CTNND2: variants seen among roughly 807,000 people sequenced by gnomAD.
CTNND2 encodes the protein catenin delta 2.
Under a neutral mutation model 144.4 loss-of-function variants are expected in CTNND2, and 22 were observed. The observed-to-expected ratio is 0.15, with a 90% CI of 0.11 to 0.22. The LOEUF is 0.22. Among genes scored for constraint, CTNND2 ranks in the 10% least tolerant of loss-of-function variants. The pLI is 1.00. For missense variants in CTNND2, 1,353 were observed against 1,618.8 expected (o/e 0.84, Z 2.82); for synonymous variants, 751 against 695.6 (o/e 1.08, Z -1.25).
At chr5:11,609,254 T>G (rs1671166563) in intron 2 of CTNND2, among the ~76,000 whole-genome samples, 1 of 145,222 alleles carries the variant, frequency 6.9e-6, no homozygotes, top group Middle Eastern at 3.5e-3. Flanking sequence ...AATTATCACA[T>G]GTCTCCCAGT....
In CTNND2 at chr5:11,224,707, C is replaced by T. The variant is rs374533841; in HGVS notation, c.1761+11984G>A. Among the ~76,000 whole-genome samples, 4 of 152,292 alleles carry T rather than the reference C, an allele frequency of 2.6e-5. No individual in the cohort carries two copies. In the South Asian group the frequency reaches 8.3e-4, roughly 32 times the overall value. On this transcript the variant is annotated intron_variant, in intron 10 of 21. Coordinates refer to ENST00000304623, the MANE Select transcript of CTNND2 (RefSeq NM_001332.4). ...GCCTTGTGGCTCCTGGACTCTTCCA[C>T]AGTGCTGTTCTGGAAGGTTCTTAGT...
chr5:11,813,113 A>C lies in CTNND2; in HGVS notation c.38-80841T>G, dbSNP rs73064631. On this transcript the variant is annotated intron_variant, in intron 1 of 21. Coordinates refer to ENST00000304623, the MANE Select transcript of CTNND2 (RefSeq NM_001332.4). ...TAGTCCCGTAAGATTAGAATACCAT[A>C]TTTTTACTGTACCTTTGCTATGTTT... is the stretch of plus-strand genomic sequence containing the variant. 4.6e-3 allele frequency among the ~76,000 whole-genome samples: 701 copies of C among 152,224 alleles called. 9 individuals carry two copies. The highest frequency in any genetic ancestry group is 0.016 in the African/African-American group (684 of 41,538).
At chr5:11,593,661 T>C (rs1160300316) in intron 2 of CTNND2, among the ~76,000 whole-genome samples, 1 of 152,230 alleles carries the variant, frequency 6.6e-6, no homozygotes. Flanking sequence ...CTCTCTGGCC[T>C]TCTGCCATGT....
chr5:11,384,739 G>C lies in CTNND2; in HGVS notation c.1103C>G (p.Ala368Gly). 1 of 1,612,732 alleles carries C rather than the reference G, an allele frequency of 6.2e-7. No homozygotes were observed. The highest frequency in any genetic ancestry group is 8.5e-7 in the Non-Finnish European group (1 of 1,179,666). The part of the protein sequence containing the change: ...TLSPTKRLVH[A>G]SEQYSKHSQE... ...CGAGTGCTTGCTGTACTGCTCGGACGCGTGGACCAGGCGCTTGGTGGGCGA... is the reference window on the plus strand; with the variant it reads ...CGAGTGCTTGCTGTACTGCTCGGACCCGTGGACCAGGCGCTTGGTGGGCGA... Residue 368 changes from alanine (A) to glycine (G), a missense_variant, in exon 7 of 22, where the codon GCG becomes GGG. By Grantham distance (60) the Ala-to-Gly change is moderately conservative. Transcript: ENST00000304623. This position sits in a 1 kb window ranked among gnomAD's most constrained non-coding sequence, Gnocchi z 5.2.
intron 3 of CTNND2, among the ~76,000 whole-genome samples, chr5:11,506,499 T>A (rs1561489083): frequency 6.6e-6 from 1 of 152,344 alleles, no homozygotes; most frequent in East Asian, 1.9e-4. Context: ...AGGACTATGA[T>A]GTGTACAATT....
chr5:11,107,489 T>C (rs1472421221), intron 14 of CTNND2, among the ~76,000 whole-genome samples: 3 of 152,190 alleles, frequency 2.0e-5, no homozygotes, highest in Non-Finnish European at 2.9e-5. Context: ...AATACCGATA[T>C]CCTGAAAATC....
intron 5 of CTNND2, among the ~76,000 whole-genome samples, chr5:11,402,026 C>G (rs1760691171): frequency 6.6e-6 from 1 of 152,158 alleles, no homozygotes; most frequent in South Asian, 2.1e-4. Context: ...GTAGGACTCT[C>G]CCACACATTA....
intron 2 of CTNND2, among the ~76,000 whole-genome samples, chr5:11,619,912 T>A (rs1780753246): frequency 6.6e-6 from 1 of 152,184 alleles, no homozygotes; most frequent in Non-Finnish European, 1.5e-5. Flanking sequence ...ATTCACCTTA[T>A]TATCTGACCT....
At chr5:11,114,828 T>C (rs1314126528) in intron 13 of CTNND2, among the ~76,000 whole-genome samples, 2 of 152,152 alleles carry the variant, frequency 1.3e-5, no homozygotes, top group Non-Finnish European at 2.9e-5. Context: ...TCACCCTCAA[T>C]TTGTCATTGT....
At chr5:10,978,503 G>A (rs190230402) in intron 21 of CTNND2, among the ~76,000 whole-genome samples, 1 of 151,216 alleles carries the variant, frequency 6.6e-6, no homozygotes, top group Admixed American at 6.6e-5. Flanking sequence ...TTTGGGGAGG[G>A]GGGGGAACCC....
At chr5:11,301,683 G>C (rs1430806002) in intron 9 of CTNND2, among the ~76,000 whole-genome samples, 1 of 152,276 alleles carries the variant, frequency 6.6e-6, no homozygotes, top group East Asian at 1.9e-4. Flanking sequence ...AGGACGGTTT[G>C]CAAGCAGACA....
rs558646958 is a variant in CTNND2 at position 11,570,656 on chromosome 5, A to G, written c.175-5600T>C. Among the ~76,000 whole-genome samples the G allele has an allele frequency of 3.4e-4, 50 of 148,364 alleles. No individual in the cohort carries two copies. The South Asian group carries it at 8.9e-3, about 26-fold the overall frequency. ...TTCTTTTCTTTTTTCTTTTTTTTTT[A>G]TGAAATCTGCTTTCACTTTCTCCCA... On this transcript the variant is annotated intron_variant, in intron 2 of 21. Transcript: ENST00000304623.
intron 10 of CTNND2, among the ~76,000 whole-genome samples, chr5:11,215,608 G>A (rs1015533785): frequency 1.3e-4 from 20 of 152,140 alleles, no homozygotes; most frequent in African/African-American, 4.6e-4. Flanking sequence ...GGAACAATAA[G>A]GAAGATTATT....
intron 12 of CTNND2, among the ~76,000 whole-genome samples, chr5:11,128,941 TATATATA>T (rs1405503106): frequency 2.6e-5 from 1 of 38,550 alleles, no homozygotes; most frequent in Non-Finnish European, 5.2e-5. Context: ...ATATATATAT[TATATATA>T]ATATATAAAT....
chr5:11,193,160 T>C (rs934142088), intron 11 of CTNND2, among the ~76,000 whole-genome samples: 25 of 152,130 alleles, frequency 1.6e-4, no homozygotes, highest in Admixed American at 1.6e-3. Flanking sequence ...TGGCTGAGAC[T>C]GTGCAGAATA....
intron 10 of CTNND2, among the ~76,000 whole-genome samples, chr5:11,211,087 T>C (rs759534867): frequency 2.6e-5 from 4 of 152,160 alleles, no homozygotes; most frequent in Non-Finnish European, 5.9e-5. Context: ...ACTGGGTTCT[T>C]CTGGGTGATA....
chr5:11,802,688 T>C (rs1323792523), intron 1 of CTNND2, among the ~76,000 whole-genome samples: 1 of 152,236 alleles, frequency 6.6e-6, no homozygotes, highest in East Asian at 1.9e-4. Context: ...ATGAAATTAA[T>C]TGCTATATAG....
chr5:11,233,132 C>A (rs971819060), intron 10 of CTNND2, among the ~76,000 whole-genome samples: 2 of 152,110 alleles, frequency 1.3e-5, no homozygotes, highest in African/African-American at 4.8e-5. Flanking sequence ...TTGGGTATTT[C>A]TTCATAGCAG....
At chr5:11,718,120 A>G (rs763955849) in intron 2 of CTNND2, among the ~76,000 whole-genome samples, 1 of 152,202 alleles carries the variant, frequency 6.6e-6, no homozygotes, top group South Asian at 2.1e-4. Context: ...AAATAATTTC[A>G]ATATTCGTAT....
Sources: allele counts gnomAD v4.1 joint callset (sites outside exome capture counted in the v4.1 genomes callset), GRCh38; gene constraint gnomAD v4.1.1; non-coding constraint Gnocchi (gnomAD v3.1); transcripts MANE v1.5; gene names NCBI Gene and HGNC (gene_info 2026-07-23, HGNC 2026-07-21).